The following DIXDC1 variants were observed in gnomAD, a reference collection of about 807,000 sequenced individuals.
DIXDC1 encodes the protein dixin.
In DIXDC1, 64 loss-of-function variants were observed where a neutral mutation model predicts 103.1. That is an observed-to-expected ratio of 0.62 (90% confidence interval 0.51 to 0.76). DIXDC1 has a LOEUF of 0.76. DIXDC1 is among the 30% of genes least tolerant of loss of function. DIXDC1 has a pLI of 0.00. For missense variants in DIXDC1, 759 were observed against 834.2 expected (o/e 0.91, Z 1.11); for synonymous variants, 266 against 298.5 (o/e 0.89, Z 1.12).
chr11:111,995,240 A>T, intron 15 of DIXDC1, 132 bp downstream of exon 15: 1 of 1,312,680 alleles, frequency 7.6e-7, no homozygotes, highest in Non-Finnish European at 1.1e-6. Context: ...GTGTGTAAAG[A>T]TGTGAGGCAC....
chr11:111,993,596 C>G lies in DIXDC1; in HGVS notation c.1365+8C>G. On this transcript the variant is annotated splice_region_variant and intron_variant, in intron 13 of 19. Transcript: ENST00000440460. ...GATGTCAGTTACCACCAGGTCAGAACATATTCAGCCACTGACTTCCCTGCC... is the reference window on the plus strand; with the variant it reads ...GATGTCAGTTACCACCAGGTCAGAAGATATTCAGCCACTGACTTCCCTGCC... 1 of 1,614,018 alleles carries G rather than the reference C, an allele frequency of 6.2e-7. No homozygotes were observed. Among genetic ancestry groups the G allele is most frequent in the Non-Finnish European group, 8.5e-7 (1 of 1,179,892 alleles).
chr11:111,998,781 A>G lies in DIXDC1; in HGVS notation c.1756+2635A>G, dbSNP rs58084586. The stretch of plus-strand genomic sequence containing the variant: ...ACTCTTGAGCTCAGGCAATCCACCC[A>G]CCCCGGCCTCCCAAAGTGCTGGGAT... On this transcript the variant is annotated intron_variant, in intron 17 of 19. Coordinates refer to ENST00000440460, the MANE Select transcript of DIXDC1 (RefSeq NM_001037954.4). This position sits in a 1 kb window ranked among gnomAD's most constrained non-coding sequence, Gnocchi z 4.1. Among the ~76,000 whole-genome samples the G allele has an allele frequency of 0.084, 12,791 of 151,860 alleles. 1,610 individuals are homozygous for G. The highest frequency in any genetic ancestry group is 0.27 in the African/African-American group (11,173 of 41,430).
At chr11:111,935,267 T>C (rs1966157266), upstream of DIXDC1, among the ~76,000 whole-genome samples, 1 of 152,184 alleles carries the variant, frequency 6.6e-6, no homozygotes, top group South Asian at 2.1e-4. Flanking sequence ...TGTGAGCACC[T>C]CTCCTAGCCT....
chr11:111,984,277 G>A (rs2137557351), intron 7 of DIXDC1, among the ~76,000 whole-genome samples: 1 of 152,288 alleles, frequency 6.6e-6, no homozygotes, highest in East Asian at 1.9e-4. Flanking sequence ...AACGCATGGT[G>A]GGCCACACCT....
chr11:111,976,674 C>A lies in DIXDC1; in HGVS notation c.656+1691C>A, dbSNP rs1339639720. On this transcript the variant is annotated intron_variant, in intron 5 of 19. Transcript: ENST00000440460. The surrounding 1 kb of genome is among the most constrained non-coding windows in gnomAD (Gnocchi z 4.3). Reference sequence around the variant, plus strand: ...AGAGCCCAGGAGCCCCCAGATGTGGCTTGCTCAGGACGGGAGTGGCTCAGA... The same window carrying A: ...AGAGCCCAGGAGCCCCCAGATGTGGATTGCTCAGGACGGGAGTGGCTCAGA... 1.3e-5 allele frequency among the ~76,000 whole-genome samples: 2 copies of A among 152,122 alleles called. No homozygotes were observed. Among genetic ancestry groups the A allele is most frequent in the Non-Finnish European group, 2.9e-5 (2 of 68,016 alleles).
rs1468171126 is a variant in DIXDC1 at position 112,017,757 on chromosome 11, G to A, written c.1863-20G>A. On this transcript the variant is annotated intron_variant, in intron 18 of 19. Coordinates refer to ENST00000440460, the MANE Select transcript of DIXDC1 (RefSeq NM_001037954.4). The surrounding 1 kb of genome is among the most constrained non-coding windows in gnomAD (Gnocchi z 4.0). ...CTATTGATCAACAGTCTATTTTAGT[G>A]CTCTCTCCTTGTGTTGCAGGTTGGA... The A allele has an allele frequency of 1.9e-6, 3 of 1,584,766 alleles. No homozygotes were observed. The Admixed American group carries it at 5.3e-5, about 28-fold the overall frequency.
chr11:111,955,787 T>G (rs12795123), intron 1 of DIXDC1, among the ~76,000 whole-genome samples: 45,579 of 131,116 alleles, frequency 0.35, 8,067 homozygotes, highest in East Asian at 0.61. Flanking sequence ...TGAGCCAAGA[T>G]CACACCACTG....
chr11:111,941,154 G>A (rs1220815882), intron 1 of DIXDC1, among the ~76,000 whole-genome samples: 2 of 152,222 alleles, frequency 1.3e-5, no homozygotes, highest in Non-Finnish European at 2.9e-5. Context: ...TGTGGTTCAC[G>A]CCTGTAATCC....
At chr11:111,940,645 C>T (rs914339272) in intron 1 of DIXDC1, among the ~76,000 whole-genome samples, 2 of 152,036 alleles carry the variant, frequency 1.3e-5, no homozygotes, top group Admixed American at 6.6e-5. Context: ...TTCAGTTATT[C>T]ATTAGTTATT....
rs1211633315 is a variant in DIXDC1, at chr11:112,015,821, T to TTA, written c.1757-869_1757-868insAT. 1.3e-3 allele frequency among the ~76,000 whole-genome samples: 168 copies of TTA among 132,664 alleles called. 2 individuals are homozygous for TTA. The highest frequency in any genetic ancestry group is 4.6e-3 in the African/African-American group (160 of 34,572). The allele number at this position is 132,664 out of a possible 152,430, so 87.0% of individuals were successfully genotyped here. A position where few individuals can be genotyped will look rare whatever the true frequency, so the allele number is the denominator to read the frequency against. On this transcript the variant is annotated intron_variant, in intron 17 of 19. Coordinates refer to ENST00000440460, the MANE Select transcript of DIXDC1 (RefSeq NM_001037954.4). ...TGTCTTTTTTTTTTTTTTTTTTTTT[T>TTA]TGCGGCAGGGACAGAGTCTCACTCT...
intron 17 of DIXDC1, among the ~76,000 whole-genome samples, chr11:112,005,220 G>A (rs377536490): frequency 1.4e-4 from 22 of 152,134 alleles, no homozygotes; most frequent in East Asian, 1.2e-3. Context: ...TAAAAAGATG[G>A]ATAAAGATAT....
At position 111,964,621 on chromosome 11, in the gene DIXDC1, G is replaced by C; in HGVS notation, c.133G>C (p.Asp45His). The C allele has an allele frequency of 1.9e-6, 3 of 1,612,432 alleles. No individual in the cohort carries two copies. Among genetic ancestry groups the C allele is most frequent in the Non-Finnish European group, 2.5e-6 (3 of 1,179,352 alleles). Residue 45 changes from aspartate (D) to histidine (H), a missense_variant, in exon 2 of 20, where the codon GAC becomes CAC. This residue lies in a region of DIXDC1 where 97 missense variants were observed against 85.4 expected (regional missense o/e 1.14). Coordinates refer to ENST00000440460, the MANE Select transcript of DIXDC1 (RefSeq NM_001037954.4). ...KKRPAVKPVQ[D>H]LRQDLRDGVI... ...GAGGCCAGCAGTGAAGCCTGTGCAG[G>C]ACCTGCGACAAGATCTCCGGGATGG...
chr11:111,989,070 A>G lies in DIXDC1; in HGVS notation c.1113+15A>G, dbSNP rs782239053. On this transcript the variant is annotated intron_variant, in intron 10 of 19. Transcript: ENST00000440460. ...AGGGGATAAAGGTAAAAAAGAAGAC[A>G]TTTAATTCTTTAAATAAAGTCTCTG... 23 of 1,590,230 alleles carry G rather than the reference A, an allele frequency of 1.4e-5. No individual in the cohort carries two copies. Among genetic ancestry groups the G allele is most frequent in the Non-Finnish European group, 4.3e-6 (5 of 1,170,738 alleles).
chr11:111,982,154 G>A, intron 6 of DIXDC1, 185 bp from the exon 7 acceptor site: 1 of 542,284 alleles, frequency 1.8e-6, no homozygotes, highest in Non-Finnish European at 3.2e-6. Flanking sequence ...AAGTGAGCCT[G>A]AGGCCTGAGC....
rs782779940 is a variant in DIXDC1 at position 111,958,728 on chromosome 11, G to A, written c.61-5821G>A. 2.0e-5 allele frequency among the ~76,000 whole-genome samples: 3 copies of A among 152,194 alleles called. No homozygotes were observed. Among genetic ancestry groups the A allele is most frequent in the Admixed American group, 1.3e-4 (2 of 15,278 alleles). ...GGTCAGGCTGCCAGCCCCGCAGACC[G>A]GAGTGGGAATTTATGGTGTTTTTTC... On this transcript the variant is annotated intron_variant, in intron 1 of 19. Transcript: ENST00000440460. This position sits in a 1 kb window ranked among gnomAD's most constrained non-coding sequence, Gnocchi z 4.2.
chr11:111,987,950 C>G (rs1860552982), intron 9 of DIXDC1, among the ~76,000 whole-genome samples: 1 of 151,302 alleles, frequency 6.6e-6, no homozygotes, highest in Non-Finnish European at 1.5e-5. Flanking sequence ...AGCCACTGTG[C>G]CTGGCCGACA....
At chr11:111,949,373 T>G in intron 1 of DIXDC1, among the ~76,000 whole-genome samples, 1 of 152,210 alleles carries the variant, frequency 6.6e-6, no homozygotes, top group Non-Finnish European at 1.5e-5. Context: ...TCCATCCCAG[T>G]TAAAGCATCA....
At chr11:111,946,361 G>A (rs879965434) in intron 1 of DIXDC1, among the ~76,000 whole-genome samples, 10 of 152,130 alleles carry the variant, frequency 6.6e-5, no homozygotes, top group Admixed American at 6.5e-4. Context: ...GCCCGCCTTG[G>A]CCTCCCAAAG....
rs1011538726 is a variant in DIXDC1, at chr11:111,977,699, A to G, written c.656+2716A>G. The stretch of plus-strand genomic sequence containing the variant: ...GCGGGGAGACATGCCTGAATTTGGG[A>G]GCGATGTGACTCTCAGCCTCCCACT... On this transcript the variant is annotated intron_variant, in intron 5 of 19. Transcript: ENST00000440460. This position sits in a 1 kb window ranked among gnomAD's most constrained non-coding sequence, Gnocchi z 6.1. 3 of 1,544,802 alleles carry G rather than the reference A, an allele frequency of 1.9e-6. No homozygotes were observed. The highest frequency in any genetic ancestry group is 2.6e-6 in the Non-Finnish European group (3 of 1,143,714).
Sources: gnomAD v4.1 joint callset for allele counts (sites outside exome capture counted in the v4.1 genomes callset) on GRCh38, gnomAD v4.1.1 for gene constraint, gnomAD v4.1.1 regional missense constraint, Gnocchi (gnomAD v3.1) non-coding constraint, MANE v1.5 for transcripts, NCBI Gene and HGNC (gene_info 2026-07-23, HGNC 2026-07-21) for gene names.